Variants in DSCAM observed in about 807,000 individuals in gnomAD.
DSCAM encodes the protein cell adhesion molecule DSCAM.
In DSCAM, 47 loss-of-function variants were observed where a neutral mutation model predicts 217.7. The observed-to-expected ratio is 0.22, with a 90% CI of 0.17 to 0.28. The LOEUF (loss-of-function observed/expected upper bound fraction) is 0.28. Among genes scored for constraint, DSCAM ranks in the 10% least tolerant of loss-of-function variants. The pLI is 1.00. For synonymous variants in DSCAM, 1,056 were observed against 1,015.3 expected (o/e 1.04, Z -0.76); for missense variants, 2,080 against 2,618.3 (o/e 0.79, Z 4.49).
At position 40,842,407 on chromosome 21, in the gene DSCAM, TATTA is replaced by T. The variant is rs753761271; in HGVS notation, c.43+4208_43+4211del. ...GCAAAATACATTCTTTTTCACTACC[TATTA>T]ATTATTTATGAGCCACATTCATAAT... On this transcript the variant is annotated intron_variant, in intron 1 of 32. Transcript: ENST00000400454. Among the ~76,000 whole-genome samples the T allele has an allele frequency of 3.3e-4, 50 of 152,336 alleles. 1 individual carries two copies. Among genetic ancestry groups the T allele is most frequent in the Admixed American group, 1.6e-3 (24 of 15,310 alleles).
At chr21:40,718,225 CT>C (rs978669594) in intron 1 of DSCAM, among the ~76,000 whole-genome samples, 1 of 152,106 alleles carries the variant, frequency 6.6e-6, no homozygotes, top group African/African-American at 2.4e-5. Context: ...GGCACTGCCC[CT>C]GGGCCACCCA....
intron 3 of DSCAM, among the ~76,000 whole-genome samples, chr21:40,617,761 A>G (rs1165889242): frequency 6.6e-6 from 1 of 152,218 alleles, no homozygotes; most frequent in Non-Finnish European, 1.5e-5. Flanking sequence ...TGCTCAGTTG[A>G]GGAGCACTGA....
At chr21:40,092,274 C>T (rs2089620902) in intron 21 of DSCAM, among the ~76,000 whole-genome samples, 1 of 152,074 alleles carries the variant, frequency 6.6e-6, no homozygotes, top group Non-Finnish European at 1.5e-5. Context: ...GCCTGGATGC[C>T]TGAATCACCA....
intron 3 of DSCAM, among the ~76,000 whole-genome samples, chr21:40,654,746 T>C (rs2090054522): frequency 6.6e-6 from 1 of 152,158 alleles, no homozygotes; most frequent in South Asian, 2.1e-4. Flanking sequence ...TGACTCTGAC[T>C]TTCACTTATA....
At chr21:40,451,746 C>T (rs538683081) in intron 3 of DSCAM, among the ~76,000 whole-genome samples, 70 of 152,150 alleles carry the variant, frequency 4.6e-4, no homozygotes, top group African/African-American at 1.3e-3. Context: ...GATGTGTGCA[C>T]GCCAGAAACT....
In DSCAM at chr21:40,189,181, T is replaced by A; in HGVS notation, c.2414A>T (p.Lys805Met). 6.2e-7 allele frequency: 1 copy of A among 1,612,552 alleles called. No homozygotes were observed. Among genetic ancestry groups the A allele is most frequent in the Non-Finnish European group, 8.5e-7 (1 of 1,179,528 alleles). The stretch of plus-strand genomic sequence containing the variant: ...ACCATGCGCCGTGCAGCTCATCTCC[T>A]TTTTCTGCCCCTGCGTGGCCAGGGT... ...NTTLATQGQKKEMSCTAHGEK... is the reference protein window; with the variant it reads ...NTTLATQGQKMEMSCTAHGEK... The change falls in exon 12 of 33, where the codon AAG becomes ATG. Residue 805 changes from lysine (K) to methionine (M), a missense_variant. Coordinates refer to ENST00000400454, the MANE Select transcript of DSCAM (RefSeq NM_001389.5).
chr21:40,537,805 T>C (rs980564665), intron 3 of DSCAM, among the ~76,000 whole-genome samples: 2 of 152,186 alleles, frequency 1.3e-5, no homozygotes, highest in Non-Finnish European at 2.9e-5. Flanking sequence ...CTCCTTGATC[T>C]CAGAATTGCA....
intron 6 of DSCAM, among the ~76,000 whole-genome samples, chr21:40,343,465 T>G (rs2074521590): frequency 6.6e-6 from 1 of 152,220 alleles, no homozygotes; most frequent in Admixed American, 6.5e-5. Context: ...CTCTAGAGTC[T>G]CAGTTTGCTA....
intron 3 of DSCAM, among the ~76,000 whole-genome samples, chr21:40,676,189 AAC>A (rs34209896): frequency 0.16 from 24,286 of 152,168 alleles, 2,012 homozygotes; most frequent in East Asian, 0.23. Context: ...CAAAACTAAA[AAC>A]ACTTAAATAT....
At chr21:40,720,149 A>G (rs1054287898) in intron 1 of DSCAM, among the ~76,000 whole-genome samples, 5 of 152,198 alleles carry the variant, frequency 3.3e-5, no homozygotes, top group African/African-American at 9.7e-5. Flanking sequence ...ATTAATTTTG[A>G]ATGGAAATGC....
At chr21:40,498,724 TATGG>T (rs2146030658) in intron 3 of DSCAM, among the ~76,000 whole-genome samples, 3 of 22,504 alleles carry the variant, frequency 1.3e-4, no homozygotes, top group Admixed American at 6.1e-4. Flanking sequence ...TGTATATATA[TATGG>T]GTGTGTGTAT....
In DSCAM at chr21:40,609,145, G is replaced by A. The variant is rs573079377; in HGVS notation, c.508+83665C>T. 5.3e-5 allele frequency among the ~76,000 whole-genome samples: 8 copies of A among 152,170 alleles called. No homozygotes were observed. In the East Asian group the frequency reaches 1.6e-3, roughly 30 times the overall value. On this transcript the variant is annotated intron_variant, in intron 3 of 32. Coordinates refer to ENST00000400454, the MANE Select transcript of DSCAM (RefSeq NM_001389.5). ...ATTTTTTGTATTTTTAGAAAAGATG[G>A]GATTTTGCCATGTTGCCCAGGCTGG... is the stretch of plus-strand genomic sequence containing the variant.
chr21:40,059,773 A>T lies in DSCAM; in HGVS notation c.4919+3096T>A, dbSNP rs572835017. On this transcript the variant is annotated intron_variant, in intron 28 of 32. Transcript: ENST00000400454. Reference sequence around the variant, plus strand: ...GATCTGAAAACCAGCTTATGGCCACATGGGGCCTAGAGCACAGACTTGTGG... The same window carrying T: ...GATCTGAAAACCAGCTTATGGCCACTTGGGGCCTAGAGCACAGACTTGTGG... Among the ~76,000 whole-genome samples, 4 of 152,318 alleles carry T rather than the reference A, an allele frequency of 2.6e-5. No homozygotes were observed. The South Asian group carries it at 8.3e-4, about 32-fold the overall frequency.
intron 11 of DSCAM, among the ~76,000 whole-genome samples, chr21:40,273,294 T>A (rs923802640): frequency 6.6e-6 from 1 of 152,250 alleles, no homozygotes; most frequent in Non-Finnish European, 1.5e-5. Flanking sequence ...TTTCTAGGCC[T>A]AGAGAGATAA....
At chr21:40,230,219 GTGTTCTATCTGCTTT>G (rs1369104367) in intron 11 of DSCAM, among the ~76,000 whole-genome samples, 1 of 152,178 alleles carries the variant, frequency 6.6e-6, no homozygotes, top group East Asian at 1.9e-4. Context: ...GGGTGAAGAA[GTGTTCTATCTGCTTT>G]TGTTTTCTGT....
chr21:40,381,353 A>G (rs909059698), intron 3 of DSCAM, among the ~76,000 whole-genome samples: 2 of 152,190 alleles, frequency 1.3e-5, no homozygotes, highest in African/African-American at 4.8e-5. Flanking sequence ...AGGCGGACTC[A>G]TGTTTAGAAG....
At chr21:40,757,986 C>T (rs1393990688) in intron 1 of DSCAM, among the ~76,000 whole-genome samples, 2 of 152,138 alleles carry the variant, frequency 1.3e-5, no homozygotes, top group African/African-American at 2.4e-5. Flanking sequence ...AAGATGAGGT[C>T]ATACTGGATT....
At chr21:40,116,509 A>T (rs2089971766) in intron 20 of DSCAM, among the ~76,000 whole-genome samples, 1 of 152,130 alleles carries the variant, frequency 6.6e-6, no homozygotes, top group Non-Finnish European at 1.5e-5. Context: ...ATTCCATGAC[A>T]GGATGCTGGG....
chr21:40,139,683 G>A (rs1488154588), intron 18 of DSCAM, among the ~76,000 whole-genome samples: 2 of 151,954 alleles, frequency 1.3e-5, no homozygotes, highest in Admixed American at 1.3e-4. Flanking sequence ...GGTATGTGGT[G>A]TATATGGAGT....
Sources: allele counts gnomAD v4.1 joint callset (sites outside exome capture counted in the v4.1 genomes callset), GRCh38; gene constraint gnomAD v4.1.1; transcripts MANE v1.5; gene names NCBI Gene and HGNC (gene_info 2026-07-23, HGNC 2026-07-21).